Variants in CACNA1H observed in about 807,000 individuals in gnomAD.
The protein encoded by CACNA1H is calcium voltage-gated channel subunit alpha1 H, also known as voltage-dependent T-type calcium channel subunit alpha-1H.
CACNA1H carries 149 observed loss-of-function variants against 192.5 expected under a neutral mutation model. The ratio of observed to expected loss-of-function variants is 0.77; its 90% CI spans 0.68 to 0.89. The LOEUF (loss-of-function observed/expected upper bound fraction) is 0.89. CACNA1H is among the 40% of genes least tolerant of loss of function. CACNA1H has a pLI of 0.00. For synonymous variants in CACNA1H, 2,202 were observed against 1,475.2 expected (o/e 1.49, Z -11.29); for missense variants, 4,257 against 3,423.5 (o/e 1.24, Z -6.08).
At chr16:1,156,550 G>A (rs1202344056) in intron 2 of CACNA1H, among the ~76,000 whole-genome samples, 1 of 152,140 alleles carries the variant, frequency 6.6e-6, no homozygotes, top group Non-Finnish European at 1.5e-5. Flanking sequence ...AGGGGCGGTG[G>A]GCGACTGGTG....
At chr16:1,219,184 G>A in intron 34 of CACNA1H, 54 bp downstream of exon 34, 1 of 1,450,652 alleles carries the variant, frequency 6.9e-7, no homozygotes, top group Non-Finnish European at 9.2e-7. Context: ...GGGGCTTGCA[G>A]GGATGCCTCG....
chr16:1,211,500 A>G lies in CACNA1H; in HGVS notation c.4370A>G (p.Tyr1457Cys), dbSNP rs747837740. The G allele has an allele frequency of 1.9e-6, 3 of 1,612,206 alleles. No individual in the cohort carries two copies. The highest frequency in any genetic ancestry group is 1.3e-5 in the African/African-American group (1 of 74,846). Residue 1457 changes from tyrosine to cysteine, a missense_variant, in exon 23 of 35, where the codon TAC (tyrosine) becomes TGC (cysteine). Transcript: ENST00000348261. The stretch of plus-strand genomic sequence containing the variant: ...CGTCAGCTCTTCAAAGGGAAGTTCT[A>G]CTACTGCGAGGGCCCCGACACCAGG... ...LGVQLFKGKFYYCEGPDTRNI... is the reference protein window; with the variant it reads ...LGVQLFKGKFCYCEGPDTRNI...
Position 1,204,151 on chromosome 16 carries a change from G to A in CACNA1H, c.2144G>A (p.Ser715Asn), listed in dbSNP as rs1442654127. The A allele has an allele frequency of 1.2e-6, 2 of 1,612,256 alleles. No individual in the cohort carries two copies. Among genetic ancestry groups the A allele is most frequent in the Non-Finnish European group, 1.7e-6 (2 of 1,179,746 alleles). Residue 715 changes from serine (S) to asparagine (N), a missense_variant, in exon 10 of 35, where the codon AGC (serine) becomes AAC (asparagine). Coordinates refer to ENST00000348261, the MANE Select transcript of CACNA1H (RefSeq NM_021098.3). ...CTGGAGGACCCGGAGGGTGAGCTCA[G>A]CGGCTCGGAAAGTGGAGACTCAGAT... ...RALEDPEGELSGSESGDSDGR... is the reference protein window; with the variant it reads ...RALEDPEGELNGSESGDSDGR...
At chr16:1,188,559 G>A (rs896897326) in intron 2 of CACNA1H, among the ~76,000 whole-genome samples, 41 of 152,334 alleles carry the variant, frequency 2.7e-4, no homozygotes, top group East Asian at 5.8e-4. Context: ...ACCCAGCCGC[G>A]GGAATGCAGG....
intron 2 of CACNA1H, among the ~76,000 whole-genome samples, chr16:1,170,743 C>T (rs1042599209): frequency 6.6e-5 from 10 of 152,282 alleles, no homozygotes; most frequent in African/African-American, 2.4e-4. Context: ...CCCCCACCGC[C>T]GTGTGCAGGA....
chr16:1,209,245 C>G lies in CACNA1H; in HGVS notation c.3577C>G (p.Leu1193Val), dbSNP rs1461904626. ...CGCGCCCGGGCCCCGTGCCACCCCA[C>G]TGCGGCGGGCCGAGTCCCTGGACCC... The part of the protein sequence containing the change: ...RAAPGPRATP[L>V]RRAESLDPRP... Residue 1193 changes from leucine (L) to valine (V), a missense_variant, in exon 17 of 35, where the codon CTG (leucine) becomes GTG (valine). Leu to Val is a conservative substitution (Grantham distance 32, BLOSUM62 1). Transcript: ENST00000348261. 5.2e-6 allele frequency: 8 copies of G among 1,544,778 alleles called. No homozygotes were observed. Among genetic ancestry groups the G allele is most frequent in the Non-Finnish European group, 7.0e-6 (8 of 1,147,668 alleles).
In CACNA1H at chr16:1,210,350, A is replaced by ACCCCCCCCCCCCCC; in HGVS notation, c.3846-17_3846-16insCCCCCCCCCCCCCC. ...TCCACGCCGCCCCGCCCCACCTCTC[A>ACCCCCCCCCCCCCC]CCCGCCCCCGCCCACCCAGGTTCCG... is the stretch of plus-strand genomic sequence containing the variant. On this transcript the variant is annotated intron_variant, in intron 18 of 34. Transcript: ENST00000348261. The ACCCCCCCCCCCCCC allele has an allele frequency of 9.6e-6, 3 of 313,942 alleles. No individual in the cohort carries two copies. The highest frequency in any genetic ancestry group is 1.4e-5 in the Non-Finnish European group (3 of 215,952). The allele number at this position is 313,942 out of a possible 1,614,324, so 19.4% of individuals were successfully genotyped here. A position where few individuals can be genotyped will look rare whatever the true frequency, so the allele number is the denominator to read the frequency against.
At chr16:1,208,948 C>T (rs1268012070) in intron 16 of CACNA1H, 84 bp from the exon 17 acceptor site, 5 of 1,329,718 alleles carry the variant, frequency 3.8e-6, no homozygotes, top group African/African-American at 3.1e-5. Context: ...CCACGTGTGG[C>T]TTGCACACAG....
At chr16:1,183,053 G>A (rs1200084706) in intron 2 of CACNA1H, among the ~76,000 whole-genome samples, 4 of 82,448 alleles carry the variant, frequency 4.9e-5, no homozygotes, top group Admixed American at 4.1e-4. Flanking sequence ...CACCACCCCC[G>A]CCCCCACCCT....
At chr16:1,162,143 A>G (rs1032945756) in intron 2 of CACNA1H, among the ~76,000 whole-genome samples, 2 of 152,112 alleles carry the variant, frequency 1.3e-5, no homozygotes, top group African/African-American at 2.4e-5. Flanking sequence ...ACTCAGTCCC[A>G]TGGGTGATGC....
chr16:1,204,889 G>T (rs1287142572), intron 10 of CACNA1H, among the ~76,000 whole-genome samples: 1 of 76,656 alleles, frequency 1.3e-5, no homozygotes, highest in Non-Finnish European at 2.8e-5. Context: ...TCAGTGCCGG[G>T]GAGGGGTGGG....
chr16:1,203,086 T>C (rs891495846), intron 9 of CACNA1H, among the ~76,000 whole-genome samples: 1 of 151,706 alleles, frequency 6.6e-6, no homozygotes, highest in African/African-American at 2.4e-5. Flanking sequence ...TCCCCCGTGG[T>C]GGGGAGAGGT....
chr16:1,159,314 T>C (rs1427553284), intron 2 of CACNA1H, among the ~76,000 whole-genome samples: 1 of 151,582 alleles, frequency 6.6e-6, no homozygotes, highest in Non-Finnish European at 1.5e-5. Context: ...CACAGGAGCC[T>C]GTGCGGGAGG....
rs750657572 is a variant in CACNA1H, at chr16:1,210,782, C to G, written c.4039-5C>G. On this transcript the variant is annotated splice_region_variant and splice_polypyrimidine_tract_variant and intron_variant, in intron 20 of 34. Coordinates refer to ENST00000348261, the MANE Select transcript of CACNA1H (RefSeq NM_021098.3). ...CCTGAGCTCAGTGCCATTGGCCCTC[C>G]GCAGGTGGTGGCCCTGGGGCTGCTG... is the stretch of plus-strand genomic sequence containing the variant. 2.5e-6 allele frequency: 4 copies of G among 1,599,900 alleles called. No individual in the cohort carries two copies. The highest frequency in any genetic ancestry group is 1.7e-5 in the Admixed American group (1 of 59,978).
intron 16 of CACNA1H, 63 bp downstream of exon 16, chr16:1,208,284 T>A: frequency 8.4e-7 from 1 of 1,196,844 alleles, no homozygotes; most frequent in South Asian, 1.3e-5. Flanking sequence ...TGGCTCCTTA[T>A]GGCCTTCCCT....
At chr16:1,194,388 C>G (rs886189983) in intron 2 of CACNA1H, among the ~76,000 whole-genome samples, 1 of 152,200 alleles carries the variant, frequency 6.6e-6, no homozygotes, top group African/African-American at 2.4e-5. Context: ...CTCCCTCCTT[C>G]CTCTGGTTCC....
At chr16:1,200,639 C>A in intron 7 of CACNA1H, 68 bp downstream of exon 7, 5 of 1,595,208 alleles carry the variant, frequency 3.1e-6, no homozygotes, top group Non-Finnish European at 4.3e-6. Context: ...GACTCGCCCC[C>A]CCCAGCCCAG....
At chr16:1,195,687 C>T (rs1966883947) in intron 4 of CACNA1H, 122 bp downstream of exon 4, 5 of 1,219,380 alleles carry the variant, frequency 4.1e-6, no homozygotes, top group Middle Eastern at 2.7e-4. Context: ...CCAGGTAGAG[C>T]CAGGGACCCT....
chr16:1,159,092 C>T (rs1024011157), intron 2 of CACNA1H, among the ~76,000 whole-genome samples: 12 of 152,248 alleles, frequency 7.9e-5, no homozygotes, highest in Non-Finnish European at 1.5e-4. Flanking sequence ...AGCCTTCAGG[C>T]CCTGATGGGG....
Sources: allele counts gnomAD v4.1 joint callset (sites outside exome capture counted in the v4.1 genomes callset), GRCh38; gene constraint gnomAD v4.1.1; transcripts MANE v1.5; gene names NCBI Gene and HGNC (gene_info 2026-07-23, HGNC 2026-07-21).